Variants in ZNF268 observed in about 807,000 individuals in gnomAD.
The protein encoded by ZNF268 is zinc finger protein 268, also known as zinc finger protein 3.
A neutral mutation model predicts 29.3 loss-of-function variants in ZNF268; 20 were observed. That is an observed-to-expected ratio of 0.68 (90% confidence interval 0.48 to 0.99). The LOEUF (loss-of-function observed/expected upper bound fraction) is 0.99, where lower values mean the gene tolerates loss of function less well. Among genes scored for constraint, ZNF268 ranks in the 50% least tolerant of loss-of-function variants. The pLI, the probability that ZNF268 is intolerant of heterozygous loss-of-function variation, is 0.00. For synonymous variants in ZNF268, 429 were observed against 376.9 expected (o/e 1.14, Z -1.60); for missense variants, 1,240 against 1,121.6 (o/e 1.11, Z -1.51).
chr12:133,191,687 G>C (rs10870589), intron 4 of ZNF268, 72 bp downstream of exon 4: 530,784 of 1,583,924 alleles, frequency 0.34, 91,600 homozygotes, highest in African/African-American at 0.42. Context: ...AAACTGGAGG[G>C]CTTCTATGAA....
rs530715803 is a variant in ZNF268, at chr12:133,186,822, A to G, written c.34-1050A>G. Among the ~76,000 whole-genome samples the G allele has an allele frequency of 1.3e-3, 192 of 152,346 alleles. 1 individual carries two copies. The highest frequency in any genetic ancestry group is 4.3e-3 in the African/African-American group (180 of 41,582). On this transcript the variant is annotated intron_variant, in intron 2 of 5. Transcript: ENST00000536435. ...TTATGCGAAGTGAAAGAAGCCAGAC[A>G]CAAAAGACTAGATATTATATGATCC...
Position 133,211,556 on chromosome 12 carries a change from A to C in ZNF268, c.*7026A>C, listed in dbSNP as rs966050977. 2.0e-5 allele frequency: 3 copies of C among 153,762 alleles called. No individual in the cohort carries two copies. Among genetic ancestry groups the C allele is most frequent in the Non-Finnish European group, 4.3e-5 (3 of 69,350 alleles). 9.5% of individuals were successfully genotyped at this position (153,762 alleles called of 1,614,324 possible). On this transcript the variant is annotated 3_prime_UTR_variant, in exon 6 of 6. Coordinates refer to ENST00000536435, the MANE Select transcript of ZNF268 (RefSeq NM_003415.3). ...AGCCGAGATCGCGCCATTGCACTCCAGCCTGGGCAACAAGAGTGAAACTCC... is the reference window on the plus strand; with the variant it reads ...AGCCGAGATCGCGCCATTGCACTCCCGCCTGGGCAACAAGAGTGAAACTCC...
rs1956849012 is a variant in ZNF268, at chr12:133,204,479, G to C, written c.2793G>C (p.Trp931Cys). 1 of 1,544,794 alleles carries C rather than the reference G, an allele frequency of 6.5e-7. No individual in the cohort carries two copies. The highest frequency in any genetic ancestry group is 1.2e-5 in the South Asian group (1 of 84,372). ...KCTECGKAFC[W>C]KSQLIMHQRT... ...CTGAATGTGGGAAAGCCTTTTGTTG[G>C]AAGTCACAGCTCATTATGCATCAGA... The change falls in exon 6 of 6, where the codon TGG becomes TGC. Residue 931 changes from tryptophan to cysteine, a missense_variant. Trp to Cys is a radical substitution (Grantham distance 215). This residue lies in a region of ZNF268 where 1,177 missense variants were observed against 1,039.6 expected (regional missense o/e 1.13). Transcript: ENST00000536435.
rs1309072154 is a variant in ZNF268 at position 133,209,872 on chromosome 12, G to C, written c.*5342G>C. ...ATTTGCCCTTCCCTCTTGGGATCCA[G>C]GGTGATCCCACAGGTGCTGTTCATC... On this transcript the variant is annotated 3_prime_UTR_variant, in exon 6 of 6. Transcript: ENST00000536435. 6.6e-6 allele frequency: 1 copy of C among 152,238 alleles called. No homozygotes were observed. Among genetic ancestry groups the C allele is most frequent in the Non-Finnish European group, 1.5e-5 (1 of 68,054 alleles). The allele number at this position is 152,238 out of a possible 1,614,324, so 9.4% of individuals were successfully genotyped here.
chr12:133,188,907 C>A (rs1241888423), intron 3 of ZNF268, among the ~76,000 whole-genome samples: 2 of 152,174 alleles, frequency 1.3e-5, no homozygotes, highest in Non-Finnish European at 2.9e-5. Context: ...TTTACTGAGT[C>A]TGGATTGCAA....
intron 5 of ZNF268, among the ~76,000 whole-genome samples, chr12:133,200,866 C>G (rs1956736756): frequency 2.6e-5 from 4 of 152,020 alleles, no homozygotes; most frequent in Admixed American, 2.6e-4. Flanking sequence ...AATGATTGCT[C>G]AGTATAGAAA....
chr12:133,185,195 A>AG (rs1353563314), intron 2 of ZNF268, among the ~76,000 whole-genome samples: 2 of 151,624 alleles, frequency 1.3e-5, no homozygotes, highest in Non-Finnish European at 2.9e-5. Context: ...AAAAAAAAAA[A>AG]AAAAACAAAG....
rs910554612 is a variant in ZNF268 at position 133,207,138 on chromosome 12, C to T, written c.*2608C>T. ...TTGAGTTACTGGTTTGTAAATCTAT[C>T]TAGTCCTTCTACCCCAGCCCCAGAA... On this transcript the variant is annotated 3_prime_UTR_variant, in exon 6 of 6. Coordinates refer to ENST00000536435, the MANE Select transcript of ZNF268 (RefSeq NM_003415.3). 1.3e-5 allele frequency: 2 copies of T among 152,142 alleles called. No homozygotes were observed. Among genetic ancestry groups the T allele is most frequent in the African/African-American group, 4.8e-5 (2 of 41,412 alleles). The allele number at this position is 152,142 out of a possible 1,614,324, so 9.4% of individuals were successfully genotyped here. A position where few individuals can be genotyped will look rare whatever the true frequency, so the allele number is the denominator to read the frequency against.
intron 5 of ZNF268, among the ~76,000 whole-genome samples, chr12:133,198,940 G>A (rs1412677886): frequency 6.8e-6 from 1 of 146,856 alleles, no homozygotes; most frequent in African/African-American, 2.6e-5. Context: ...TTTGGGCTGA[G>A]ACAGTGGGGT....
At position 133,207,677 on chromosome 12, in the gene ZNF268, T is replaced by A. The variant is rs949705254; in HGVS notation, c.*3147T>A. 1 of 152,012 alleles carries A rather than the reference T, an allele frequency of 6.6e-6. No homozygotes were observed. Among genetic ancestry groups the A allele is most frequent in the East Asian group, 1.9e-4 (1 of 5,186 alleles). 9.4% of individuals were successfully genotyped at this position (152,012 alleles called of 1,614,324 possible). ...CAAAAAAATAGCAGGGCATGGTAAC[T>A]GACACCTATAATCCCAGCTACTTGG... On this transcript the variant is annotated 3_prime_UTR_variant, in exon 6 of 6. Transcript: ENST00000536435.
chr12:133,193,153 C>T (rs529293021), intron 5 of ZNF268, among the ~76,000 whole-genome samples: 1 of 152,120 alleles, frequency 6.6e-6, no homozygotes, highest in African/African-American at 2.4e-5. Context: ...TCATTTCCCT[C>T]ATATAGTGTA....
rs1322812561 is a variant in ZNF268 at position 133,188,141 on chromosome 12, A to G, written c.234+69A>G. The G allele has an allele frequency of 8.7e-6, 12 of 1,372,140 alleles. No homozygotes were observed. The Admixed American group carries it at 2.6e-4, about 30-fold the overall frequency. The allele number at this position is 1,372,140 out of a possible 1,614,324, so 85.0% of individuals were successfully genotyped here. ...TTTTTTTTTTTTGGTGCAGAGAGGG[A>G]TGGAGATCCTTAGGTCAGAGGGTTA... On this transcript the variant is annotated intron_variant, in intron 3 of 5. Transcript: ENST00000536435.
At chr12:133,186,356 C>T (rs1451956060) in intron 2 of ZNF268, among the ~76,000 whole-genome samples, 1 of 151,404 alleles carries the variant, frequency 6.6e-6, no homozygotes, top group Non-Finnish European at 1.5e-5. Context: ...GGCTCTGAGA[C>T]ATAAGCTGTT....
Position 133,204,531 on chromosome 12 carries a change from T to G in ZNF268, c.*1T>G. 1 of 1,488,488 alleles carries G rather than the reference T, an allele frequency of 6.7e-7. No individual in the cohort carries two copies. Among genetic ancestry groups the G allele is most frequent in the Non-Finnish European group, 8.9e-7 (1 of 1,125,012 alleles). The allele number at this position is 1,488,488 out of a possible 1,614,324, so 92.2% of individuals were successfully genotyped here. ...AACTCATGTAGATGACAAACATTGA[T>G]AATTTTACGAAACTCTGAAAAGTGG... On this transcript the variant is annotated 3_prime_UTR_variant, in exon 6 of 6. Coordinates refer to ENST00000536435, the MANE Select transcript of ZNF268 (RefSeq NM_003415.3).
At chr12:133,182,877 C>T (rs892855559) in intron 2 of ZNF268, among the ~76,000 whole-genome samples, 2 of 152,136 alleles carry the variant, frequency 1.3e-5, no homozygotes, top group African/African-American at 2.4e-5. Context: ...CCATTAAAAA[C>T]TTGGATTGTA....
chr12:133,204,307 T>A lies in ZNF268; in HGVS notation c.2621T>A (p.Ile874Asn). 1 of 1,558,780 alleles carries A rather than the reference T, an allele frequency of 6.4e-7. No individual in the cohort carries two copies. The highest frequency in any genetic ancestry group is 1.9e-5 in the Admixed American group (1 of 52,430). ...TGCAGTGAGTGTGGAAAAGCCTTCA[T>A]TAGGAATTCTCAACTCATTGTACAT... Reference protein sequence around the residue: ...YECSECGKAFIRNSQLIVHQR... With the variant: ...YECSECGKAFNRNSQLIVHQR... The change falls in exon 6 of 6, where the codon ATT becomes AAT. Residue 874 changes from isoleucine to asparagine, a missense_variant. Physicochemically the swap from Ile to Asn is moderately radical, Grantham distance 149. Transcript: ENST00000536435.
chr12:133,195,726 G>GT lies in ZNF268; in HGVS notation c.457+3732dup, dbSNP rs776348888. 6.8e-3 allele frequency among the ~76,000 whole-genome samples: 1,010 copies of GT among 148,784 alleles called. 3 individuals are homozygous for GT. Among genetic ancestry groups the GT allele is most frequent in the Middle Eastern group, 0.038 (11 of 290 alleles). On this transcript the variant is annotated intron_variant, in intron 5 of 5. Transcript: ENST00000536435. ...TGTCTCTTTTTTTGTTTTTGTTTTTGTTTTTTTTTGAGACAGAGTCTCGCT... is the reference window on the plus strand; with the variant it reads ...TGTCTCTTTTTTTGTTTTTGTTTTTGTTTTTTTTTTGAGACAGAGTCTCGCT...
chr12:133,193,350 C>T (rs1331861527), intron 5 of ZNF268: 1 of 534,624 alleles, frequency 1.9e-6, no homozygotes, highest in Non-Finnish European at 3.4e-6. Flanking sequence ...AGACTTCTGT[C>T]TCAGTCTATT....
At position 133,206,383 on chromosome 12, in the gene ZNF268, A is replaced by G. The variant is rs1020871079; in HGVS notation, c.*1853A>G. ...AATGCTTTTGATACCCATGTATAAC[A>G]TGGAGAATAATGATCTTAAAACTTC... On this transcript the variant is annotated 3_prime_UTR_variant, in exon 6 of 6. Coordinates refer to ENST00000536435, the MANE Select transcript of ZNF268 (RefSeq NM_003415.3). 3 of 152,228 alleles carry G rather than the reference A, an allele frequency of 2.0e-5. No homozygotes were observed. The highest frequency in any genetic ancestry group is 4.8e-5 in the African/African-American group (2 of 41,446). The allele number at this position is 152,228 out of a possible 1,614,324, so 9.4% of individuals were successfully genotyped here.
Sources: gnomAD v4.1 joint callset for allele counts (sites outside exome capture counted in the v4.1 genomes callset) on GRCh38, gnomAD v4.1.1 for gene constraint, gnomAD v4.1.1 regional missense constraint, MANE v1.5 for transcripts, NCBI Gene and HGNC (gene_info 2026-07-23, HGNC 2026-07-21) for gene names.